The following MGLL variants were observed in gnomAD, a reference collection of about 807,000 sequenced individuals.
MGLL encodes the protein lysophospholipase homolog.
A neutral mutation model predicts 29.1 loss-of-function variants in MGLL; 7 were observed. The observed-to-expected ratio is 0.24, with a 90% confidence interval of 0.14 to 0.45. The LOEUF is 0.45. MGLL is among the 20% of genes least tolerant of loss of function. The probability of loss-of-function intolerance (pLI) is 0.99; values close to 1 mark genes in which losing one functional copy is unlikely to be tolerated. For synonymous variants in MGLL, 148 were observed against 168.3 expected (o/e 0.88, Z 0.93); for missense variants, 356 against 413.6 (o/e 0.86, Z 1.21).
At chr3:127,776,724 C>T (rs1157029931) in intron 3 of MGLL, among the ~76,000 whole-genome samples, 1 of 152,194 alleles carries the variant, frequency 6.6e-6, no homozygotes, top group Non-Finnish European at 1.5e-5. Flanking sequence ...CCGGCAGTGC[C>T]CTGCTTACGT....
intron 7 of MGLL, among the ~76,000 whole-genome samples, chr3:127,693,729 C>T (rs1166924636): frequency 6.6e-6 from 1 of 152,188 alleles, no homozygotes; most frequent in Non-Finnish European, 1.5e-5. Flanking sequence ...ATTTGCTCAT[C>T]CCACCAGGAT....
At chr3:127,731,714 C>A (rs1243296983) in intron 3 of MGLL, among the ~76,000 whole-genome samples, 1 of 152,210 alleles carries the variant, frequency 6.6e-6, no homozygotes, top group Non-Finnish European at 1.5e-5. Context: ...ACAATAAAAG[C>A]CCCGGCCCAC....
At chr3:127,788,461 A>G (rs1252713014) in intron 2 of MGLL, among the ~76,000 whole-genome samples, 1 of 152,134 alleles carries the variant, frequency 6.6e-6, no homozygotes, top group Non-Finnish European at 1.5e-5. Context: ...GACCACTGTA[A>G]TTAAATAATA....
chr3:127,797,382 G>A (rs1051469888), intron 2 of MGLL, among the ~76,000 whole-genome samples: 15 of 151,996 alleles, frequency 9.9e-5, no homozygotes, highest in Non-Finnish European at 1.8e-4. Context: ...TATTCCCCTC[G>A]ACCTGTCAAG....
At chr3:127,808,644 G>T (rs980773887) in intron 2 of MGLL, among the ~76,000 whole-genome samples, 2 of 152,190 alleles carry the variant, frequency 1.3e-5, no homozygotes, top group African/African-American at 4.8e-5. Flanking sequence ...GGCACTGTGG[G>T]TGGAAGAAGG....
chr3:127,699,807 G>A (rs1244987186), intron 6 of MGLL, among the ~76,000 whole-genome samples: 1 of 152,220 alleles, frequency 6.6e-6, no homozygotes, highest in African/African-American at 2.4e-5. Context: ...GGGCCTGACA[G>A]ATGGTGAAGT....
chr3:127,706,250 C>G lies in MGLL; in HGVS notation c.600+4326G>C, dbSNP rs1436046853. ...AACTGAGCCCACATCTTTCTTTCCT[C>G]CACTGCCAAGGCCCTACTATGTGCA... On this transcript the variant is annotated intron_variant, in intron 6 of 7. Coordinates refer to ENST00000265052, the MANE Select transcript of MGLL (RefSeq NM_007283.7). Among the ~76,000 whole-genome samples, 3 of 152,304 alleles carry G rather than the reference C, an allele frequency of 2.0e-5. 1 individual carries two copies. In the Middle Eastern group the frequency reaches 0.01, roughly 518 times the overall value.
chr3:127,735,922 A>G (rs2076234753), intron 3 of MGLL: 1 of 1,514,080 alleles, frequency 6.6e-7, no homozygotes, highest in Non-Finnish European at 8.8e-7. Flanking sequence ...GCTGGTCTGC[A>G]CCTTCAGTTA....
chr3:127,763,397 G>A (rs901921854), intron 3 of MGLL, among the ~76,000 whole-genome samples: 3 of 152,226 alleles, frequency 2.0e-5, no homozygotes, highest in Non-Finnish European at 2.9e-5. Flanking sequence ...CAGGTTGGAT[G>A]CAGAAAACAC....
chr3:127,777,567 C>T (rs1372422332), intron 3 of MGLL, among the ~76,000 whole-genome samples: 2 of 152,212 alleles, frequency 1.3e-5, no homozygotes, highest in African/African-American at 4.8e-5. Flanking sequence ...CTTCCTGCTT[C>T]CTCTACCTGT....
intron 6 of MGLL, among the ~76,000 whole-genome samples, chr3:127,701,776 G>A (rs962944930): frequency 2.0e-5 from 3 of 152,024 alleles, no homozygotes; most frequent in East Asian, 1.9e-4. Context: ...TGTGCTTGTC[G>A]TCTGCACTAC....
chr3:127,747,222 GC>G (rs1392592460), intron 3 of MGLL, among the ~76,000 whole-genome samples: 1 of 152,122 alleles, frequency 6.6e-6, no homozygotes, highest in Non-Finnish European at 1.5e-5. Context: ...ACCATCCCAG[GC>G]CTCCAGGCAG....
At position 127,797,490 on chromosome 3, in the gene MGLL, C is replaced by A. The variant is rs1228901137; in HGVS notation, c.156-15595G>T. Among the ~76,000 whole-genome samples, 3 of 152,272 alleles carry A rather than the reference C, an allele frequency of 2.0e-5. No individual in the cohort carries two copies. The East Asian group carries it at 5.8e-4, about 29-fold the overall frequency. ...TGAAAAGATGGAGGTTGAACACAAT[C>A]CTTTTATTATGGCTGTCTATGATTC... On this transcript the variant is annotated intron_variant, in intron 2 of 7. Coordinates refer to ENST00000265052, the MANE Select transcript of MGLL (RefSeq NM_007283.7).
rs151010993 is a variant in MGLL, at chr3:127,735,254, G to A, written c.263-12688C>T. Among the ~76,000 whole-genome samples the A allele has an allele frequency of 1.6e-4, 25 of 152,330 alleles. No homozygotes were observed. The South Asian group carries it at 4.6e-3, about 28-fold the overall frequency. On this transcript the variant is annotated intron_variant, in intron 3 of 7. Coordinates refer to ENST00000265052, the MANE Select transcript of MGLL (RefSeq NM_007283.7). ...CCTTGGGAAAACAATTTGGTATCCGGTAAGGTTGAATTTCCTTACTTTACA... is the reference window on the plus strand; with the variant it reads ...CCTTGGGAAAACAATTTGGTATCCGATAAGGTTGAATTTCCTTACTTTACA...
intron 5 of MGLL, among the ~76,000 whole-genome samples, chr3:127,719,681 C>A (rs1395436794): frequency 1.3e-5 from 2 of 152,248 alleles, no homozygotes; most frequent in Middle Eastern, 3.4e-3. Context: ...CATGTCTCCC[C>A]CCAATCGCAC....
intron 2 of MGLL, among the ~76,000 whole-genome samples, chr3:127,804,818 T>C (rs112767644): frequency 9.1e-4 from 139 of 152,236 alleles, no homozygotes; most frequent in African/African-American, 3.0e-3. Flanking sequence ...CAGGGTCCAC[T>C]GGGGGTCTGC....
chr3:127,787,803 G>A (rs2077238830), intron 2 of MGLL, among the ~76,000 whole-genome samples: 1 of 152,200 alleles, frequency 6.6e-6, no homozygotes, highest in African/African-American at 2.4e-5. Flanking sequence ...ACCAAACTCC[G>A]TCCTGCCAAA....
intron 3 of MGLL, among the ~76,000 whole-genome samples, chr3:127,727,761 T>C (rs1458124484): frequency 6.6e-6 from 1 of 151,692 alleles, no homozygotes; most frequent in Non-Finnish European, 1.5e-5. Flanking sequence ...TAAAGTTTTC[T>C]CTTACCTTCT....
rs998851788 is a variant in MGLL, at chr3:127,691,021, G to C, written c.*1177C>G. 1.3e-5 allele frequency: 2 copies of C among 152,986 alleles called. No homozygotes were observed. Among genetic ancestry groups the C allele is most frequent in the Non-Finnish European group, 2.9e-5 (2 of 68,330 alleles). 9.5% of individuals were successfully genotyped at this position (152,986 alleles called of 1,614,324 possible). On this transcript the variant is annotated 3_prime_UTR_variant, in exon 8 of 8. Coordinates refer to ENST00000265052, the MANE Select transcript of MGLL (RefSeq NM_007283.7). ...GGACAGGAAGGCCTGGCCTGCTGCT[G>C]TGCTGGGCCTCTCTTCTCCTGCCAC...
Sources: allele counts gnomAD v4.1 joint callset (sites outside exome capture counted in the v4.1 genomes callset), GRCh38; gene constraint gnomAD v4.1.1; transcripts MANE v1.5; gene names NCBI Gene and HGNC (gene_info 2026-07-23, HGNC 2026-07-21).